The following RBFOX1 variants were observed in gnomAD, a reference collection of about 807,000 sequenced individuals.
RBFOX1 encodes the protein RNA binding protein fox-1 homolog 1.
A neutral mutation model predicts 57.7 loss-of-function variants in RBFOX1; 8 were observed. That is an observed-to-expected ratio of 0.14 (90% CI 0.08 to 0.25). The LOEUF (loss-of-function observed/expected upper bound fraction) is 0.25, where lower values mean the gene tolerates loss of function less well. RBFOX1 is among the 10% of genes least tolerant of loss of function. RBFOX1 has a pLI of 1.00. For missense variants in RBFOX1, 611 were observed against 548.5 expected, an observed-to-expected ratio of 1.11 and a Z score of -1.14; for synonymous variants, 326 against 222.4, an observed-to-expected ratio of 1.47 and a Z score of -4.15.
At chr16:5,734,071 G>A (rs1315007816) in intron 3 of RBFOX1, among the ~76,000 whole-genome samples, 1 of 152,184 alleles carries the variant, frequency 6.6e-6, no homozygotes, top group Non-Finnish European at 1.5e-5. Flanking sequence ...TTCCCAGGGT[G>A]TTTATGGCTG....
At chr16:5,491,049 A>G (rs2042811356) in intron 2 of RBFOX1, among the ~76,000 whole-genome samples, 1 of 152,196 alleles carries the variant, frequency 6.6e-6, no homozygotes, top group Non-Finnish European at 1.5e-5. Flanking sequence ...TGCAATGGCC[A>G]ATATCAAATT....
chr16:7,501,556 A>G (rs538935822), intron 4 of RBFOX1, among the ~76,000 whole-genome samples: 6 of 152,322 alleles, frequency 3.9e-5, no homozygotes, highest in East Asian at 1.9e-4. Flanking sequence ...GCCCAGCTCT[A>G]TATTTTATAG....
At chr16:6,078,343 C>T (rs181212595) in intron 1 of RBFOX1, among the ~76,000 whole-genome samples, 14 of 152,248 alleles carry the variant, frequency 9.2e-5, no homozygotes, top group African/African-American at 2.6e-4. Context: ...TGGCCCGGGA[C>T]GGCTTTGAAT....
rs142670320 is a variant in RBFOX1 at position 6,803,047 on chromosome 16, T to G, written c.-16+148397T>G. Reference sequence around the variant, plus strand: ...AGGAAAAGGGACTTACTCATTTCCATTGAACTCAAAATGTTACTTTGTGTG... The same window carrying G: ...AGGAAAAGGGACTTACTCATTTCCAGTGAACTCAAAATGTTACTTTGTGTG... On this transcript the variant is annotated intron_variant, in intron 3 of 15. Coordinates refer to ENST00000550418, the MANE Select transcript of RBFOX1 (RefSeq NM_018723.4). Among the ~76,000 whole-genome samples the G allele has an allele frequency of 2.0e-5, 3 of 152,318 alleles. No individual in the cohort carries two copies. In the South Asian group the frequency reaches 6.2e-4, roughly 32 times the overall value.
At chr16:6,576,925 C>G (rs756546666) in intron 2 of RBFOX1, 5 of 152,182 alleles carry the variant, frequency 3.3e-5, no homozygotes, top group African/African-American at 7.2e-5. Flanking sequence ...AGATAAAGAA[C>G]CTGTAAAGAA....
chr16:6,871,799 GA>G (rs1204976502), intron 3 of RBFOX1, among the ~76,000 whole-genome samples: 3 of 152,082 alleles, frequency 2.0e-5, no homozygotes, highest in African/African-American at 7.2e-5. Flanking sequence ...ATCAAGTCTG[GA>G]AATGTTGTCA....
intron 4 of RBFOX1, among the ~76,000 whole-genome samples, chr16:7,120,043 A>C (rs112962827): frequency 1.2e-5 from 1 of 83,964 alleles, no homozygotes; most frequent in African/African-American, 3.1e-5. Context: ...AGTAACATAA[A>C]ATAAACTGGA....
At chr16:5,828,604 C>CA (rs1235683503) in intron 3 of RBFOX1, among the ~76,000 whole-genome samples, 2 of 151,988 alleles carry the variant, frequency 1.3e-5, no homozygotes, top group Non-Finnish European at 2.9e-5. Flanking sequence ...GAGGCCGAGG[C>CA]AGGAGGATCG....
chr16:5,533,774 C>A (rs1362341938), intron 2 of RBFOX1, among the ~76,000 whole-genome samples: 1 of 152,074 alleles, frequency 6.6e-6, no homozygotes, highest in Non-Finnish European at 1.5e-5. Flanking sequence ...GTGACTGGCT[C>A]CCTGAGTGTG....
At chr16:7,500,505 A>G (rs1436142811) in intron 4 of RBFOX1, among the ~76,000 whole-genome samples, 1 of 152,186 alleles carries the variant, frequency 6.6e-6, no homozygotes, top group Admixed American at 6.5e-5. Context: ...GGAAACGTAG[A>G]TATGCATCAT....
At chr16:7,019,753 GC>G (rs749973100) in intron 3 of RBFOX1, among the ~76,000 whole-genome samples, 8 of 152,158 alleles carry the variant, frequency 5.3e-5, no homozygotes, top group Non-Finnish European at 1.0e-4. Flanking sequence ...ATGTTTATGG[GC>G]TTTGCCCACC....
intron 4 of RBFOX1, among the ~76,000 whole-genome samples, chr16:7,264,470 C>T (rs897134528): frequency 1.3e-5 from 2 of 152,192 alleles, no homozygotes; most frequent in African/African-American, 4.8e-5. Flanking sequence ...AGTCTCTGAG[C>T]TAGTTTTTCT....
chr16:7,159,115 G>T (rs1007384785), intron 4 of RBFOX1, among the ~76,000 whole-genome samples: 4 of 151,984 alleles, frequency 2.6e-5, no homozygotes, highest in Non-Finnish European at 5.9e-5. Context: ...GTATCATACA[G>T]GATGTAACCT....
At chr16:5,442,703 T>G (rs374963222) in intron 1 of RBFOX1, among the ~76,000 whole-genome samples, 2 of 152,210 alleles carry the variant, frequency 1.3e-5, no homozygotes, top group African/African-American at 4.8e-5. Flanking sequence ...TGCCATCACC[T>G]GGCCACACAC....
intron 4 of RBFOX1, among the ~76,000 whole-genome samples, chr16:7,277,433 C>T (rs1167290878): frequency 6.6e-6 from 1 of 152,162 alleles, no homozygotes; most frequent in Non-Finnish European, 1.5e-5. Context: ...TTCTCTGTGC[C>T]ACCAGAAGAA....
At chr16:7,429,298 G>A (rs2149538171) in intron 4 of RBFOX1, among the ~76,000 whole-genome samples, 1 of 152,240 alleles carries the variant, frequency 6.6e-6, no homozygotes, top group South Asian at 2.1e-4. Context: ...AAGCACTCAG[G>A]GATCTCAAGG....
chr16:7,120,119 T>C (rs1260118680), intron 4 of RBFOX1, among the ~76,000 whole-genome samples: 3 of 152,004 alleles, frequency 2.0e-5, no homozygotes, highest in African/African-American at 7.2e-5. Flanking sequence ...AAAGAGGAAG[T>C]CTCAAGGGGA....
At chr16:5,701,766 G>C (rs764421294) in intron 3 of RBFOX1, among the ~76,000 whole-genome samples, 6 of 152,182 alleles carry the variant, frequency 3.9e-5, no homozygotes, top group South Asian at 4.1e-4. Context: ...CATCTTACCA[G>C]AGGCATTTTT....
chr16:6,231,025 T>C (rs1256678652), intron 1 of RBFOX1, among the ~76,000 whole-genome samples: 1 of 152,146 alleles, frequency 6.6e-6, no homozygotes, highest in African/African-American at 2.4e-5. Context: ...CCACTTGTGG[T>C]ACATGTTAGG....
Sources: allele counts gnomAD v4.1 joint callset (sites outside exome capture counted in the v4.1 genomes callset), GRCh38; gene constraint gnomAD v4.1.1; transcripts MANE v1.5; gene names NCBI Gene and HGNC (gene_info 2026-07-23, HGNC 2026-07-21).